The following TBCCD1 variants were observed in gnomAD, a reference collection of about 807,000 sequenced individuals.
TBCCD1 encodes the protein TBCC domain-containing protein 1.
In TBCCD1, 26 loss-of-function variants were observed where a neutral mutation model predicts 53.4. That is an observed-to-expected ratio of 0.49 (90% CI 0.36 to 0.68). The LOEUF is 0.68. Among genes scored for constraint, TBCCD1 ranks in the 30% least tolerant of loss-of-function variants. The probability of loss-of-function intolerance (pLI) is 0.00; values close to 1 mark genes in which losing one functional copy is unlikely to be tolerated. For synonymous variants in TBCCD1, 245 were observed against 241.7 expected, an observed-to-expected ratio of 1.01 and a Z score of -0.13; for missense variants, 558 against 669.5, an observed-to-expected ratio of 0.83 and a Z score of 1.84.
upstream of TBCCD1, chr3:186,570,006 C>T: frequency 1.7e-6 from 1 of 592,854 alleles, no homozygotes; most frequent in Non-Finnish European, 3.1e-6. Context: ...CGATTTTTTT[C>T]CCTGTTAAAA....
chr3:186,562,869 T>C (rs920994665), intron 2 of TBCCD1, among the ~76,000 whole-genome samples: 1 of 152,222 alleles, frequency 6.6e-6, no homozygotes, highest in Non-Finnish European at 1.5e-5. Flanking sequence ...GTTTCCTCCA[T>C]TCTGTTGATC....
intron 2 of TBCCD1, among the ~76,000 whole-genome samples, chr3:186,562,728 G>T (rs1299695901): frequency 1.3e-5 from 2 of 151,178 alleles, no homozygotes; most frequent in Admixed American, 6.6e-5. Context: ...CATAAAAGAG[G>T]AGGGGGAACC....
In TBCCD1 at chr3:186,553,447, A is replaced by G. The variant is rs564602451; in HGVS notation, c.1544+807T>C. The G allele has an allele frequency of 7.2e-5, 11 of 152,342 alleles. No individual in the cohort carries two copies. In the South Asian group the frequency reaches 2.3e-3, roughly 32 times the overall value. The allele number at this position is 152,342 out of a possible 1,614,324, so 9.4% of individuals were successfully genotyped here. A position where few individuals can be genotyped will look rare whatever the true frequency, so the allele number is the denominator to read the frequency against. Reference sequence around the variant, plus strand: ...GTATGACAATATTTGAAAGAAAACAATGAAGACATTAGAGGCATTTAAGAA... The same window carrying G: ...GTATGACAATATTTGAAAGAAAACAGTGAAGACATTAGAGGCATTTAAGAA... On this transcript the variant is annotated intron_variant, in intron 6 of 7. Coordinates refer to ENST00000338733, the MANE Select transcript of TBCCD1 (RefSeq NM_018138.5).
chr3:186,551,134 T>C lies in TBCCD1; in HGVS notation c.*16A>G. 1.2e-6 allele frequency: 2 copies of C among 1,604,880 alleles called. No individual in the cohort carries two copies. Among genetic ancestry groups the C allele is most frequent in the South Asian group, 1.1e-5 (1 of 89,050 alleles). On this transcript the variant is annotated 3_prime_UTR_variant, in exon 7 of 8. Coordinates refer to ENST00000338733, the MANE Select transcript of TBCCD1 (RefSeq NM_018138.5). Reference sequence around the variant, plus strand: ...TAAGTGGTATAAATGCCTACCAGTGTCTGCATGTAAGATCCTTATCCAGCT... The same window carrying C: ...TAAGTGGTATAAATGCCTACCAGTGCCTGCATGTAAGATCCTTATCCAGCT...
rs1714604525 is a variant in TBCCD1, at chr3:186,558,518, T to C, written c.391A>G (p.Lys131Glu). 2 of 1,614,178 alleles carry C rather than the reference T, an allele frequency of 1.2e-6. No homozygotes were observed. The highest frequency in any genetic ancestry group is 1.7e-6 in the Non-Finnish European group (2 of 1,180,020). Residue 131 changes from lysine (K) to glutamate (E), a missense_variant, in exon 3 of 8, where the codon AAG (lysine) becomes GAG (glutamate). Transcript: ENST00000338733. Reference protein sequence around the residue: ...LLFLYIQQLNKVSLRTSLIGE... With the variant: ...LLFLYIQQLNEVSLRTSLIGE... Reference sequence around the variant, plus strand: ...ATCAAAGATGTCCTTAGGGAGACCTTGTTCAACTGTTGAATGTATAAGAAG... The same window carrying C: ...ATCAAAGATGTCCTTAGGGAGACCTCGTTCAACTGTTGAATGTATAAGAAG...
intron 7 of TBCCD1, among the ~76,000 whole-genome samples, chr3:186,547,190 A>G (rs1009464936): frequency 3.3e-5 from 5 of 152,154 alleles, no homozygotes; most frequent in African/African-American, 1.2e-4. Flanking sequence ...AGCAGTGAAG[A>G]TTAAACAAAA....
chr3:186,562,985 TG>T lies in TBCCD1; in HGVS notation c.336+1008del, dbSNP rs374372204. Among the ~76,000 whole-genome samples the T allele has an allele frequency of 3.0e-3, 463 of 152,318 alleles. 4 individuals are homozygous for T. The highest frequency in any genetic ancestry group is 0.01 in the African/African-American group (436 of 41,570). Reference sequence around the variant, plus strand: ...GCCTGGACAAATGCCATAGCAAAAATGAAGCCCACATGTAAAATGGGCAAGA... The same window carrying T: ...GCCTGGACAAATGCCATAGCAAAAATAAGCCCACATGTAAAATGGGCAAGA... On this transcript the variant is annotated intron_variant, in intron 2 of 7. Coordinates refer to ENST00000338733, the MANE Select transcript of TBCCD1 (RefSeq NM_018138.5).
At chr3:186,561,511 C>T (rs976844220) in intron 2 of TBCCD1, among the ~76,000 whole-genome samples, 9 of 152,170 alleles carry the variant, frequency 5.9e-5, no homozygotes, top group African/African-American at 1.9e-4. Context: ...AAAATAGGGC[C>T]GGGCGCGGTG....
At chr3:186,565,096 CCTTCTT>C (rs1173884853) in intron 1 of TBCCD1, among the ~76,000 whole-genome samples, 2 of 148,660 alleles carry the variant, frequency 1.3e-5, no homozygotes, top group Non-Finnish European at 3.0e-5. Flanking sequence ...TATTGTATTT[CCTTCTT>C]CTTCTTCTTT....
rs1402775540 is a variant in TBCCD1, at chr3:186,558,569, A to C, written c.340T>G (p.Ser114Ala). The C allele has an allele frequency of 6.2e-7, 1 of 1,612,684 alleles. No individual in the cohort carries two copies. The highest frequency in any genetic ancestry group is 1.1e-5 in the South Asian group (1 of 90,682). Residue 114 changes from serine to alanine, a missense_variant, in exon 3 of 8, where the codon TCA (serine) becomes GCA (alanine). Transcript: ENST00000338733. ...AGCAGAAACTGTAGCGTGTCCACTG[A>C]AAGCTGTCCAAGAAGAAAATAAAAG... Reference protein sequence around the residue: ...EEVEKQRNQLSVDTLQFLLFL... With the variant: ...EEVEKQRNQLAVDTLQFLLFL...
At position 186,554,882 on chromosome 3, in the gene TBCCD1, T is replaced by C. The variant is rs1387973873; in HGVS notation, c.1046+16A>G. 1 of 1,612,216 alleles carries C rather than the reference T, an allele frequency of 6.2e-7. No individual in the cohort carries two copies. Among genetic ancestry groups the C allele is most frequent in the East Asian group, 2.2e-5 (1 of 44,880 alleles). ...AAAATGTCAGAACATCAGAACACCA[T>C]GAAAACTGTGCTTACCGTAAGGGAG... On this transcript the variant is annotated intron_variant, in intron 5 of 7. Coordinates refer to ENST00000338733, the MANE Select transcript of TBCCD1 (RefSeq NM_018138.5).
chr3:186,564,059 G>T lies in TBCCD1; in HGVS notation c.271C>A (p.Leu91Met). ...SLSMKTPEER[L>M]EWSEVLSNCM... ...TTGGACAGAACCTCAGACCATTCCA[G>T]GCGCTCCTCAGGTGTCTTCATTGAA... Residue 91 changes from leucine to methionine, a missense_variant, in exon 2 of 8, where the codon CTG becomes ATG. Transcript: ENST00000338733. 3 of 1,614,148 alleles carry T rather than the reference G, an allele frequency of 1.9e-6. No homozygotes were observed. Among genetic ancestry groups the T allele is most frequent in the Non-Finnish European group, 2.5e-6 (3 of 1,180,046 alleles).
In TBCCD1 at chr3:186,554,485, A is replaced by C; in HGVS notation, c.1313T>G (p.Val438Gly). 1 of 1,614,254 alleles carries C rather than the reference A, an allele frequency of 6.2e-7. No homozygotes were observed. The highest frequency in any genetic ancestry group is 8.5e-7 in the Non-Finnish European group (1 of 1,180,038). Residue 438 changes from valine to glycine, a missense_variant, in exon 6 of 8, where the codon GTG becomes GGG. By Grantham distance (109) the Val-to-Gly change is moderately radical. Coordinates refer to ENST00000338733, the MANE Select transcript of TBCCD1 (RefSeq NM_018138.5). The part of the protein sequence containing the change: ...DHMARTGLAT[V>G]PNYWDNPMVV... ...CATTGGATTATCCCAATAGTTAGGC[A>C]CTGTAGCAAGGCCAGTCCTGGCCAT...
intron 7 of TBCCD1, among the ~76,000 whole-genome samples, chr3:186,548,409 T>C (rs958690983): frequency 6.6e-6 from 1 of 152,216 alleles, no homozygotes. Context: ...CGAGCTTTAT[T>C]TTGAAGGTGA....
At chr3:186,568,340 C>G (rs1560232080), upstream of TBCCD1, among the ~76,000 whole-genome samples, 1 of 150,600 alleles carries the variant, frequency 6.6e-6, no homozygotes, top group Non-Finnish European at 1.5e-5. Context: ...AAGATAATTT[C>G]AAATAGTGAA....
chr3:186,556,262 C>T, intron 4 of TBCCD1, 147 bp downstream of exon 4: 1 of 850,846 alleles, frequency 1.2e-6, no homozygotes, highest in Non-Finnish European at 1.7e-6. Flanking sequence ...AAGTCATGCA[C>T]AAAAGACAGA....
At position 186,564,135 on chromosome 3, in the gene TBCCD1, C is replaced by T. The variant is rs375310230; in HGVS notation, c.195G>A (p.Leu65=). The T allele has an allele frequency of 2.5e-6, 4 of 1,614,202 alleles. No individual in the cohort carries two copies. The highest frequency in any genetic ancestry group is 3.4e-6 in the Non-Finnish European group (4 of 1,180,044). The change falls in exon 2 of 8, where the codon CTG becomes CTA. Residue 65 remains leucine, a synonymous_variant. Transcript: ENST00000338733. ...GCCACGCCAGGTCCTTGGCCAACTG[C>T]AGCTTCCCACAAGCGATGTGCCTCC... ...STWRHIACGK[L]QLAKDLAWLY... is the part of the protein sequence containing the mutation.
At chr3:186,559,599 G>A (rs1385686106) in intron 2 of TBCCD1, among the ~76,000 whole-genome samples, 1 of 152,072 alleles carries the variant, frequency 6.6e-6, no homozygotes, top group Admixed American at 6.6e-5. Flanking sequence ...TTCCCAACCT[G>A]GCTAAAAACA....
chr3:186,550,179 A>G (rs1714329001), intron 7 of TBCCD1, among the ~76,000 whole-genome samples: 1 of 143,282 alleles, frequency 7.0e-6, no homozygotes, highest in Admixed American at 7.2e-5. Flanking sequence ...GTGAACTGAG[A>G]TTGTGCCACT....
Sources: gnomAD v4.1 joint callset for allele counts (sites outside exome capture counted in the v4.1 genomes callset) on GRCh38, gnomAD v4.1.1 for gene constraint, MANE v1.5 for transcripts, NCBI Gene and HGNC (gene_info 2026-07-23, HGNC 2026-07-21) for gene names.